SPTBN4: variants seen among roughly 807,000 people sequenced by gnomAD.
The protein encoded by SPTBN4 is spectrin beta chain, non-erythrocytic 4.
Under a neutral mutation model 277.8 loss-of-function variants are expected in SPTBN4, and 96 were observed. The ratio of observed to expected loss-of-function variants is 0.35; its 90% CI spans 0.29 to 0.41. The LOEUF is 0.41. Ranked by LOEUF, SPTBN4 falls within the 10% of genes least tolerant of loss-of-function variation. The probability of loss-of-function intolerance (pLI) is 1.00; values close to 1 mark genes in which losing one functional copy is unlikely to be tolerated. For synonymous variants in SPTBN4, 1,481 were observed against 1,580.3 expected, an observed-to-expected ratio of 0.94 and a Z score of 1.49; for missense variants, 3,006 against 3,595.7, an observed-to-expected ratio of 0.84 and a Z score of 4.19.
chr19:40,529,004 C>T (rs1206101166), intron 17 of SPTBN4, 37 bp from the exon 18 acceptor site: 22 of 1,574,536 alleles, frequency 1.4e-5, no homozygotes, highest in Non-Finnish European at 1.8e-5. Context: ...CCCCCCAACC[C>T]GGGGCCTTTC....
At chr19:40,508,485 G>A (rs566260083) in intron 13 of SPTBN4, among the ~76,000 whole-genome samples, 12 of 152,248 alleles carry the variant, frequency 7.9e-5, no homozygotes, top group South Asian at 4.1e-4. Flanking sequence ...TCAGGAGTTC[G>A]AGACCAGCCT....
At chr19:40,469,260 CT>C (rs143149285) in intron 1 of SPTBN4, among the ~76,000 whole-genome samples, 2,038 of 149,388 alleles carry the variant, frequency 0.014, 50 homozygotes, top group African/African-American at 0.048. Context: ...CTTTGTTAGT[CT>C]TTTTTTTTTC....
intron 4 of SPTBN4, among the ~76,000 whole-genome samples, 153 bp from the exon 5 acceptor site, chr19:40,492,810 T>A (rs766637942): frequency 6.6e-6 from 1 of 152,098 alleles, no homozygotes; most frequent in Non-Finnish European, 1.5e-5. Flanking sequence ...TCAGGAATTA[T>A]CCTCACACTC....
At chr19:40,472,862 C>T in intron 2 of SPTBN4, 72 bp downstream of exon 2, 1 of 1,424,126 alleles carries the variant, frequency 7.0e-7, no homozygotes, top group Non-Finnish European at 9.4e-7. Context: ...ACCTTGGTGG[C>T]TGGGAGGGTG....
At position 40,468,759 on chromosome 19, in the gene SPTBN4, A is replaced by C. The variant is rs376933769; in HGVS notation, c.-16+1454A>C. On this transcript the variant is annotated intron_variant, in intron 1 of 35. Coordinates refer to ENST00000598249, the MANE Select transcript of SPTBN4 (RefSeq NM_020971.3). ...AGCCAAGGTCACACAGGTGGTAGGT[A>C]GCTGTGTGCTCACTTTCACTTTTCC... Among the ~76,000 whole-genome samples the C allele has an allele frequency of 2.0e-4, 31 of 152,334 alleles. 1 individual carries two copies. The highest frequency in any genetic ancestry group is 1.5e-3 in the East Asian group (8 of 5,188).
intron 1 of SPTBN4, among the ~76,000 whole-genome samples, chr19:40,468,453 T>A (rs1178456156): frequency 6.6e-6 from 1 of 152,044 alleles, no homozygotes; most frequent in Non-Finnish European, 1.5e-5. Context: ...CTCAGCTCAC[T>A]GCAACCTCCA....
chr19:40,565,432 A>G lies in SPTBN4; in HGVS notation c.5925A>G (p.Ser1975=), dbSNP rs753507105. 1.2e-6 allele frequency: 2 copies of G among 1,613,516 alleles called. No individual in the cohort carries two copies. The highest frequency in any genetic ancestry group is 1.7e-6 in the Non-Finnish European group (2 of 1,179,656). Residue 1975 remains serine (S), a synonymous_variant, in exon 28 of 36, where the codon TCA becomes TCG. Transcript: ENST00000598249. ...CTGCCACCCACTGCAGGGACGTGTCATCAGTGGAGGTGCTCATGAACTACC... is the reference window on the plus strand; with the variant it reads ...CTGCCACCCACTGCAGGGACGTGTCGTCAGTGGAGGTGCTCATGAACTACC... ...IGAADKPRDV[S]SVEVLMNYHQ... is the part of the protein sequence containing the mutation.
At position 40,572,201 on chromosome 19, in the gene SPTBN4, C is replaced by A. The variant is rs767729059; in HGVS notation, c.7493+9C>A. ...CATGTCTTCAAGCTCCAGTGAGCCC[C>A]CCAATGGGCAGGAGGGAGGGATCCA... is the stretch of plus-strand genomic sequence containing the variant. On this transcript the variant is annotated intron_variant, in intron 34 of 35. Transcript: ENST00000598249. 9 of 1,594,386 alleles carry A rather than the reference C, an allele frequency of 5.6e-6. No individual in the cohort carries two copies. The highest frequency in any genetic ancestry group is 7.7e-6 in the Non-Finnish European group (9 of 1,167,406).
In SPTBN4 at chr19:40,570,728, G is replaced by C. The variant is rs2081147556; in HGVS notation, c.7319G>C (p.Arg2440Pro). Residue 2440 changes from arginine to proline, a missense_variant and splice_region_variant, in exon 33 of 36, where the codon CGG (arginine) becomes CCG (proline). Transcript: ENST00000598249. ...GACGCTAACCGCAAGTCGTCCAACC[G>C]GTGAGCGTGTGGGCGGGGCTTTGGA... ...ELDANRKSSNRSWVSLYCVLS... is the reference protein window; with the variant it reads ...ELDANRKSSNPSWVSLYCVLS... The C allele has an allele frequency of 6.2e-7, 1 of 1,606,766 alleles. No individual in the cohort carries two copies. The highest frequency in any genetic ancestry group is 8.5e-7 in the Non-Finnish European group (1 of 1,177,186).
Position 40,487,571 on chromosome 19 carries a change from C to A in SPTBN4, c.170-126C>A, listed in dbSNP as rs528886358. On this transcript the variant is annotated intron_variant, in intron 2 of 35. Coordinates refer to ENST00000598249, the MANE Select transcript of SPTBN4 (RefSeq NM_020971.3). The stretch of plus-strand genomic sequence containing the variant: ...ATGTTGGCCAGGCTGGTCTCGAACT[C>A]CTACCTCAGGTGATCCGCCTGTGAG... 1.7e-4 allele frequency: 219 copies of A among 1,258,474 alleles called. No individual in the cohort carries two copies. In the African/African-American group the frequency reaches 2.9e-3, roughly 17 times the overall value. 78.0% of individuals were successfully genotyped at this position (1,258,474 alleles called of 1,614,324 possible).
chr19:40,469,940 G>A (rs905787981), intron 1 of SPTBN4, among the ~76,000 whole-genome samples: 2 of 151,558 alleles, frequency 1.3e-5, no homozygotes, highest in East Asian at 1.9e-4. Flanking sequence ...CACTGTGCCC[G>A]GCCAATTTCT....
chr19:40,488,761 G>A (rs551771277), intron 3 of SPTBN4, among the ~76,000 whole-genome samples: 1 of 152,178 alleles, frequency 6.6e-6, no homozygotes, highest in African/African-American at 2.4e-5. Context: ...AGTGAGCCAT[G>A]ATTGCACCAC....
In SPTBN4 at chr19:40,503,881, G is replaced by A; in HGVS notation, c.1414G>A (p.Glu472Lys). 6.2e-7 allele frequency: 1 copy of A among 1,608,626 alleles called. No homozygotes were observed. Among genetic ancestry groups the A allele is most frequent in the Non-Finnish European group, 8.5e-7 (1 of 1,175,778 alleles). ...PAVEAAMKKHEAIEADIAAYE... is the reference protein window; with the variant it reads ...PAVEAAMKKHKAIEADIAAYE... ...AGTGGAGGCAGCCATGAAGAAACACGAAGCGATCGAGGCAGACATTGCGGC... is the reference window on the plus strand; with the variant it reads ...AGTGGAGGCAGCCATGAAGAAACACAAAGCGATCGAGGCAGACATTGCGGC... The change falls in exon 12 of 36, where the codon GAA becomes AAA. Residue 472 changes from glutamate to lysine, a missense_variant. Glu to Lys is a moderately conservative substitution (Grantham distance 56, BLOSUM62 1). This residue lies in a region of SPTBN4 where 1,759 missense variants were observed against 2,061.5 expected (regional missense o/e 0.85). Transcript: ENST00000598249.
intron 16 of SPTBN4, among the ~76,000 whole-genome samples, chr19:40,521,050 A>G (rs1358522052): frequency 6.6e-6 from 1 of 152,006 alleles, no homozygotes; most frequent in Non-Finnish European, 1.5e-5. Context: ...TCAGCCTCCC[A>G]AGTAGCTGGG....
At chr19:40,569,825 A>G in intron 32 of SPTBN4, 99 bp downstream of exon 32, 1 of 1,144,372 alleles carries the variant, frequency 8.7e-7, no homozygotes, top group Non-Finnish European at 1.2e-6. Context: ...GGCAGGACCC[A>G]TTCCCTACCT....
Position 40,554,019 on chromosome 19 carries a change from C to T in SPTBN4, c.4675-128C>T, listed in dbSNP as rs1008349041. 6 of 941,460 alleles carry T rather than the reference C, an allele frequency of 6.4e-6. No homozygotes were observed. In the African/African-American group the frequency reaches 7.1e-5, roughly 11 times the overall value. The allele number at this position is 941,460 out of a possible 1,614,324, so 58.3% of individuals were successfully genotyped here. On this transcript the variant is annotated intron_variant, in intron 22 of 35. Coordinates refer to ENST00000598249, the MANE Select transcript of SPTBN4 (RefSeq NM_020971.3). This position sits in a 1 kb window ranked among gnomAD's most constrained non-coding sequence, Gnocchi z 5.7. Reference sequence around the variant, plus strand: ...GCAAAATGTTTACATGGTCTTGGCACGTGGTTAGCGAGCTGGGGGTGCTTG... The same window carrying T: ...GCAAAATGTTTACATGGTCTTGGCATGTGGTTAGCGAGCTGGGGGTGCTTG...
intron 27 of SPTBN4, among the ~76,000 whole-genome samples, chr19:40,564,130 G>C (rs997807267): frequency 6.6e-6 from 1 of 151,896 alleles, no homozygotes; most frequent in East Asian, 1.9e-4. Context: ...CTAGGCAGGC[G>C]GATCAACTGA....
chr19:40,484,791 G>A (rs1365944105), intron 2 of SPTBN4, among the ~76,000 whole-genome samples: 2 of 151,902 alleles, frequency 1.3e-5, no homozygotes, highest in Admixed American at 6.6e-5. Flanking sequence ...AATTAGCCGG[G>A]CGTGGTGGCA....
At position 40,557,400 on chromosome 19, in the gene SPTBN4, CCAGGTGGGGCGCCGGTGGCCATCAGGG is replaced by C. The variant is rs1336017168; in HGVS notation, c.5670+6_5670+32del. 1 of 1,554,026 alleles carries C rather than the reference CCAGGTGGGGCGCCGGTGGCCATCAGGG, an allele frequency of 6.4e-7. No individual in the cohort carries two copies. The highest frequency in any genetic ancestry group is 2.3e-5 in the East Asian group (1 of 43,830). ...AGCATGACCTGCAGCTCCTCGTGTC[CCAGGTGGGGCGCCGGTGGCCATCAGGG>C]CAGGTGGGAGGGCCTGGACAGCTGT... is the stretch of plus-strand genomic sequence containing the variant. On this transcript the variant is annotated splice_donor_variant and splice_donor_5th_base_variant and coding_sequence_variant and intron_variant, in exon 26 of 36. Coordinates refer to ENST00000598249, the MANE Select transcript of SPTBN4 (RefSeq NM_020971.3). LOFTEE classifies it high-confidence loss of function.
Sources: gnomAD v4.1 joint callset for allele counts (sites outside exome capture counted in the v4.1 genomes callset) on GRCh38, gnomAD v4.1.1 for gene constraint, gnomAD v4.1.1 regional missense constraint, Gnocchi (gnomAD v3.1) non-coding constraint, MANE v1.5 for transcripts, NCBI Gene and HGNC (gene_info 2026-07-23, HGNC 2026-07-21) for gene names.